The following ASIC1 variants were observed in gnomAD, a reference collection of about 807,000 sequenced individuals.
ASIC1 encodes the protein acid sensing ion channel subunit 1, also known as acid-sensing ion channel 1.
ASIC1 carries 21 observed loss-of-function variants against 63.4 expected under a neutral mutation model. That is an observed-to-expected ratio of 0.33 (90% CI 0.23 to 0.48). The LOEUF (loss-of-function observed/expected upper bound fraction) is 0.48, where lower values mean the gene tolerates loss of function less well. Ranked by LOEUF, ASIC1 falls within the 20% of genes least tolerant of loss-of-function variation. The pLI is 0.99. For missense variants in ASIC1, 478 were observed against 695.5 expected (o/e 0.69, Z 3.52); for synonymous variants, 258 against 278.2 (o/e 0.93, Z 0.72).
intron 4 of ASIC1, 41 bp from the exon 5 acceptor site, chr12:50,077,959 G>T: frequency 1.3e-6 from 2 of 1,582,180 alleles, no homozygotes; most frequent in Non-Finnish European, 1.7e-6. Context: ...GTGTTAGGGA[G>T]TCAGGAGCCC....
intron 3 of ASIC1, among the ~76,000 whole-genome samples, chr12:50,076,163 A>G (rs1279807276): frequency 6.6e-6 from 1 of 152,182 alleles, no homozygotes; most frequent in African/African-American, 2.4e-5. Flanking sequence ...TAGGGGCTGA[A>G]TGAAACCAAA....
At chr12:50,066,429 G>T (rs1366590606) in intron 3 of ASIC1, among the ~76,000 whole-genome samples, 1 of 152,152 alleles carries the variant, frequency 6.6e-6, no homozygotes, top group Non-Finnish European at 1.5e-5. Flanking sequence ...GGGCAAGAAA[G>T]GGTATAGAGA....
At position 50,074,077 on chromosome 12, in the gene ASIC1, G is replaced by A; in HGVS notation, c.559-3136G>A. 1 of 1,535,314 alleles carries A rather than the reference G, an allele frequency of 6.5e-7. No individual in the cohort carries two copies. The highest frequency in any genetic ancestry group is 8.7e-7 in the Non-Finnish European group (1 of 1,146,410). On this transcript the variant is annotated intron_variant, in intron 3 of 11. Transcript: ENST00000447966. This position sits in a 1 kb window ranked among gnomAD's most constrained non-coding sequence, Gnocchi z 4.2. ...TTTGGCCCCCATGCTGGGACTGGAT[G>A]AAAGTGATGACCCCGGGGTGCCCCT...
intron 3 of ASIC1, chr12:50,073,611 G>A (rs1416728533): frequency 6.5e-7 from 1 of 1,533,866 alleles, no homozygotes; most frequent in Non-Finnish European, 8.7e-7. Context: ...TCTGCTCCAT[G>A]TCATTCTCCT....
chr12:50,074,322 T>C lies in ASIC1; in HGVS notation c.559-2891T>C. On this transcript the variant is annotated intron_variant, in intron 3 of 11. Transcript: ENST00000447966. The surrounding 1 kb of genome is among the most constrained non-coding windows in gnomAD (Gnocchi z 4.2). ...GTCCCTGACTGTCACCTCCTGGGGT[T>C]GGGGCTGGGGCTGGGGCTGGGGCTG... is the stretch of plus-strand genomic sequence containing the variant. The C allele has an allele frequency of 7.0e-7, 1 of 1,422,360 alleles. No individual in the cohort carries two copies. The highest frequency in any genetic ancestry group is 9.2e-7 in the Non-Finnish European group (1 of 1,091,588). 88.1% of individuals were successfully genotyped at this position (1,422,360 alleles called of 1,614,324 possible). A position where few individuals can be genotyped will look rare whatever the true frequency, so the allele number is the denominator to read the frequency against.
Position 50,077,274 on chromosome 12 carries a change from T to A in ASIC1, c.620T>A (p.Leu207Gln), listed in dbSNP as rs1339049025. 13 of 1,614,076 alleles carry A rather than the reference T, an allele frequency of 8.1e-6. No individual in the cohort carries two copies. Among genetic ancestry groups the A allele is most frequent in the Non-Finnish European group, 1.0e-5 (12 of 1,180,010 alleles). The change falls in exon 4 of 12, where the codon CTG becomes CAG. Residue 207 changes from leucine (L) to glutamine (Q), a missense_variant. Physicochemically the swap from Leu to Gln is moderately radical, Grantham distance 113. Coordinates refer to ENST00000447966, the MANE Select transcript of ASIC1 (RefSeq NM_001095.4). ...TCGGGCCGAGATGGGCGGCCGCGGC[T>A]GAAGACCATGAAGGGTGGGACGGGC... is the stretch of plus-strand genomic sequence containing the variant. ...FNSGRDGRPR[L>Q]KTMKGGTGNG...
At chr12:50,081,216 G>T (rs370863112) in intron 10 of ASIC1, 35 bp downstream of exon 10, 13 of 1,606,362 alleles carry the variant, frequency 8.1e-6, no homozygotes, top group East Asian at 4.5e-5. Context: ...GGGGCCACGT[G>T]GGGGCGGGGT....
chr12:50,064,250 G>A (rs1249542648), intron 3 of ASIC1, among the ~76,000 whole-genome samples: 3 of 152,118 alleles, frequency 2.0e-5, no homozygotes, highest in Non-Finnish European at 4.4e-5. Context: ...TCTCTCCTAG[G>A]AAGTGCCTAA....
Position 50,069,801 on chromosome 12 carries a change from G to C in ASIC1, c.559-7412G>C, listed in dbSNP as rs977214991. Among the ~76,000 whole-genome samples, 3 of 152,020 alleles carry C rather than the reference G, an allele frequency of 2.0e-5. No individual in the cohort carries two copies. The East Asian group carries it at 5.8e-4, about 29-fold the overall frequency. On this transcript the variant is annotated intron_variant, in intron 3 of 11. Coordinates refer to ENST00000447966, the MANE Select transcript of ASIC1 (RefSeq NM_001095.4). Reference sequence around the variant, plus strand: ...CCTGTTCGACAGTAAGCTCCATGAGGGCAGGTCCATGATGTGTTCTCCACT... The same window carrying C: ...CCTGTTCGACAGTAAGCTCCATGAGCGCAGGTCCATGATGTGTTCTCCACT...
In ASIC1 at chr12:50,081,363, A is replaced by G; in HGVS notation, c.1481A>G (p.His494Arg). ...CTCAGCCTGGACGACGTCAAAAGACACGTGAGGGAGCGAGCGAGGGCGCCC... is the reference window on the plus strand; with the variant it reads ...CTCAGCCTGGACGACGTCAAAAGACGCGTGAGGGAGCGAGCGAGGGCGCCC... Reference protein sequence around the residue: ...VALSLDDVKRHNPCESLRGHP... With the variant: ...VALSLDDVKRRNPCESLRGHP... Residue 494 changes from histidine to arginine, a missense_variant and splice_region_variant, in exon 11 of 12, where the codon CAC (histidine) becomes CGC (arginine). His to Arg is a conservative substitution (Grantham distance 29). Coordinates refer to ENST00000447966, the MANE Select transcript of ASIC1 (RefSeq NM_001095.4). The G allele has an allele frequency of 1.9e-6, 3 of 1,598,268 alleles. No homozygotes were observed. Among genetic ancestry groups the G allele is most frequent in the Non-Finnish European group, 2.6e-6 (3 of 1,172,658 alleles).
At chr12:50,061,294 A>T (rs627887) in intron 3 of ASIC1, among the ~76,000 whole-genome samples, 1 of 151,958 alleles carries the variant, frequency 6.6e-6, no homozygotes, top group Non-Finnish European at 1.5e-5. Context: ...ACCTCCCAAT[A>T]TCCTTAAGCC....
chr12:50,069,534 T>C (rs1049267738), intron 3 of ASIC1, among the ~76,000 whole-genome samples: 1 of 152,138 alleles, frequency 6.6e-6, no homozygotes, highest in Admixed American at 6.5e-5. Flanking sequence ...CCTCAAGTGA[T>C]CCGCCCATTT....
In ASIC1 at chr12:50,081,242, G is replaced by A. The variant is rs752585414; in HGVS notation, c.1378-18G>A. The A allele has an allele frequency of 3.1e-6, 5 of 1,605,124 alleles. No homozygotes were observed. The highest frequency in any genetic ancestry group is 1.1e-5 in the South Asian group (1 of 89,662). On this transcript the variant is annotated intron_variant, in intron 10 of 11. Coordinates refer to ENST00000447966, the MANE Select transcript of ASIC1 (RefSeq NM_001095.4). ...GGGGCGGGGTCCAGCCCGCCCACCT[G>A]CCCCGTCCCCGTCCTAGGTCATTAA...
At chr12:50,077,582 C>A (rs534926000) in intron 4 of ASIC1, among the ~76,000 whole-genome samples, 16 of 152,186 alleles carry the variant, frequency 1.1e-4, no homozygotes, top group South Asian at 2.1e-4. Context: ...ACCAGCCATC[C>A]TCTTCCATCA....
rs1950739878 is a variant in ASIC1 at position 50,083,290 on chromosome 12, T to G, written c.*1641T>G. 6.6e-6 allele frequency: 1 copy of G among 152,262 alleles called. No homozygotes were observed. The highest frequency in any genetic ancestry group is 2.1e-4 in the South Asian group (1 of 4,834). 9.4% of individuals were successfully genotyped at this position (152,262 alleles called of 1,614,324 possible). ...TCACCCTATCTTAATGAGAGACAAG[T>G]GAGGTGGAGGGCCTGCCCCCCCTCC... On this transcript the variant is annotated 3_prime_UTR_variant, in exon 12 of 12. Coordinates refer to ENST00000447966, the MANE Select transcript of ASIC1 (RefSeq NM_001095.4).
chr12:50,076,169 C>G (rs1950653021), intron 3 of ASIC1, among the ~76,000 whole-genome samples: 1 of 152,028 alleles, frequency 6.6e-6, no homozygotes, highest in East Asian at 1.9e-4. Context: ...CTGAATGAAA[C>G]CAAAAAACTG....
intron 10 of ASIC1, 30 bp downstream of exon 10, chr12:50,081,211 C>T: frequency 1.2e-6 from 2 of 1,606,816 alleles, no homozygotes; most frequent in Non-Finnish European, 8.5e-7. Context: ...GGCACGGGGC[C>T]ACGTGGGGGC....
In ASIC1 at chr12:50,077,873, T is replaced by C. The variant is rs955701587; in HGVS notation, c.710-127T>C. The C allele has an allele frequency of 1.2e-5, 17 of 1,410,518 alleles. No homozygotes were observed. In the African/African-American group the frequency reaches 1.3e-4, roughly 11 times the overall value. The allele number at this position is 1,410,518 out of a possible 1,614,324, so 87.4% of individuals were successfully genotyped here. On this transcript the variant is annotated intron_variant, in intron 4 of 11. Transcript: ENST00000447966. The stretch of plus-strand genomic sequence containing the variant: ...GGCTAGGGGGTGGGCTAGGACCCTA[T>C]AGACTTCCCCCACCCCAGCCCCAGT...
chr12:50,070,513 G>A (rs1245238011), intron 3 of ASIC1, among the ~76,000 whole-genome samples: 3 of 152,058 alleles, frequency 2.0e-5, no homozygotes, highest in Non-Finnish European at 2.9e-5. Flanking sequence ...GGGGGAAGAG[G>A]TATTCAGTTG....
Sources: allele counts gnomAD v4.1 joint callset (sites outside exome capture counted in the v4.1 genomes callset), GRCh38; gene constraint gnomAD v4.1.1; non-coding constraint Gnocchi (gnomAD v3.1); transcripts MANE v1.5; gene names NCBI Gene and HGNC (gene_info 2026-07-23, HGNC 2026-07-21).